Variants in PDE1C observed in about 807,000 individuals in gnomAD.
PDE1C encodes dual specificity calcium/calmodulin-dependent 3',5'-cyclic nucleotide phosphodiesterase 1C.
In PDE1C, 62 loss-of-function variants were observed where a neutral mutation model predicts 93.1. The observed-to-expected ratio is 0.67, with a 90% CI of 0.54 to 0.82. The LOEUF is 0.82. Among genes scored for constraint, PDE1C ranks in the 40% least tolerant of loss-of-function variants. The pLI is 0.00. For synonymous variants in PDE1C, 325 were observed against 310.1 expected (o/e 1.05, Z -0.50); for missense variants, 742 against 884.6 (o/e 0.84, Z 2.04).
intron 2 of PDE1C, among the ~76,000 whole-genome samples, chr7:32,206,351 A>G (rs1183922878): frequency 6.6e-6 from 1 of 152,258 alleles, no homozygotes; most frequent in East Asian, 1.9e-4. Flanking sequence ...GGTGCAGTCA[A>G]CCAGACACGG....
chr7:31,671,149 G>T, the PDE1C span, among the ~76,000 whole-genome samples: 1 of 152,244 alleles, frequency 6.6e-6, no homozygotes, highest in East Asian at 1.9e-4. Flanking sequence ...AGCCGCAAAA[G>T]GCTGCCACAC....
At chr7:32,406,643 A>G (rs1033748396) in intron 1 of PDE1C, among the ~76,000 whole-genome samples, 7 of 152,056 alleles carry the variant, frequency 4.6e-5, no homozygotes, top group Non-Finnish European at 8.8e-5. Context: ...TGTGTAATGC[A>G]TATGGTTTTG....
At chr7:31,853,341 T>A (rs1318360915) in intron 7 of PDE1C, among the ~76,000 whole-genome samples, 1 of 152,140 alleles carries the variant, frequency 6.6e-6, no homozygotes. Context: ...GAAAGAAAAG[T>A]AGTATCTGGG....
chr7:31,894,627 A>G (rs1799045990), intron 2 of PDE1C, among the ~76,000 whole-genome samples: 1 of 152,212 alleles, frequency 6.6e-6, no homozygotes, highest in Admixed American at 6.5e-5. Context: ...TTTCTCAGAA[A>G]AGAAATTCCA....
At chr7:31,653,725 G>A in the PDE1C span, 1 of 152,268 alleles carries the variant, frequency 6.6e-6, no homozygotes, top group Middle Eastern at 3.4e-3. Context: ...TAATTTTGGG[G>A]TCCTGAGGTT....
the PDE1C span, among the ~76,000 whole-genome samples, chr7:31,634,877 G>A: frequency 6.6e-6 from 1 of 152,136 alleles, no homozygotes; most frequent in Non-Finnish European, 1.5e-5. Flanking sequence ...TGGCTCCTTC[G>A]GCATATTGAG....
At chr7:31,893,794 A>G (rs1798931658) in intron 2 of PDE1C, among the ~76,000 whole-genome samples, 1 of 152,234 alleles carries the variant, frequency 6.6e-6, no homozygotes, top group East Asian at 1.9e-4. Flanking sequence ...ACTTGCCCCA[A>G]ACAACCCCTC....
chr7:32,420,213 GTATATATACATATATATGTA>G lies in PDE1C; in HGVS notation c.310+7589_310+7608del, dbSNP rs1232260085. Among the ~76,000 whole-genome samples the G allele has an allele frequency of 2.5e-4, 4 of 15,992 alleles. 1 individual carries two copies. The highest frequency in any genetic ancestry group is 7.7e-4 in the African/African-American group (4 of 5,218). 10.5% of individuals were successfully genotyped at this position (15,992 alleles called of 152,430 possible). A position where few individuals can be genotyped will look rare whatever the true frequency, so the allele number is the denominator to read the frequency against. ...TATGTGTATATATATACATATATAT[GTATATATACATATATATGTA>G]TATATATGTGTATATATATACATGT... On this transcript the variant is annotated intron_variant, in intron 1 of 1. Transcript: ENST00000672256.
At chr7:32,367,779 C>CA (rs752556458) in intron 1 of PDE1C, among the ~76,000 whole-genome samples, 6 of 151,874 alleles carry the variant, frequency 4.0e-5, no homozygotes, top group Non-Finnish European at 5.9e-5. Context: ...CCCTTCTCTA[C>CA]AAAAAATTTA....
intron 1 of PDE1C, among the ~76,000 whole-genome samples, chr7:32,416,052 G>A (rs372347144): frequency 3.9e-5 from 6 of 152,256 alleles, no homozygotes; most frequent in Non-Finnish European, 5.9e-5. Context: ...GCCAGCACAC[G>A]CCCGCCTCCC....
chr7:32,088,765 A>C (rs1031306272), intron 3 of PDE1C, among the ~76,000 whole-genome samples: 2 of 152,174 alleles, frequency 1.3e-5, no homozygotes, highest in African/African-American at 4.8e-5. Flanking sequence ...GAAATGGTTC[A>C]GGAAAGAAGC....
In PDE1C at chr7:31,999,537, C is replaced by G. The variant is rs73686876; in HGVS notation, c.128+52017G>C. ...AAGACCCAGCTCTCTGACCCTGAAGCCACTTCACACTCAGCTTCAAGATAA... is the reference window on the plus strand; with the variant it reads ...AAGACCCAGCTCTCTGACCCTGAAGGCACTTCACACTCAGCTTCAAGATAA... On this transcript the variant is annotated intron_variant, in intron 2 of 17. Coordinates refer to ENST00000396191, the MANE Select transcript of PDE1C (RefSeq NM_001191057.4). Among the ~76,000 whole-genome samples, 1,373 of 152,242 alleles carry G rather than the reference C, an allele frequency of 9.0e-3. 16 individuals carry two copies. Among genetic ancestry groups the G allele is most frequent in the African/African-American group, 0.032 (1,315 of 41,542 alleles).
At chr7:32,032,752 T>C (rs1360668714) in intron 2 of PDE1C, among the ~76,000 whole-genome samples, 2 of 152,052 alleles carry the variant, frequency 1.3e-5, no homozygotes, top group Admixed American at 6.5e-5. Context: ...CCCCAAAGAA[T>C]GGCCAAGAAC....
intron 11 of PDE1C, among the ~76,000 whole-genome samples, chr7:31,831,498 G>GCACGCA (rs796574324): frequency 4.6e-4 from 68 of 149,084 alleles, no homozygotes; most frequent in African/African-American, 1.6e-3. Context: ...ACACATGCAC[G>GCACGCA]CACACACACA....
At chr7:32,321,682 A>G (rs1014686063) in intron 1 of PDE1C, among the ~76,000 whole-genome samples, 15 of 152,240 alleles carry the variant, frequency 9.9e-5, no homozygotes, top group African/African-American at 3.1e-4. Flanking sequence ...CTAACTTGAG[A>G]TGTAATCAGC....
At chr7:32,251,416 C>T (rs147263264) in intron 1 of PDE1C, among the ~76,000 whole-genome samples, 1 of 152,214 alleles carries the variant, frequency 6.6e-6, no homozygotes, top group African/African-American at 2.4e-5. Flanking sequence ...CAGGCACCTT[C>T]GTCATCCTTC....
intron 2 of PDE1C, among the ~76,000 whole-genome samples, chr7:32,024,791 G>A (rs1000763368): frequency 4.6e-5 from 7 of 152,196 alleles, no homozygotes; most frequent in Admixed American, 2.6e-4. Flanking sequence ...CAACAACCAT[G>A]TTTTGAACAA....
chr7:32,205,610 G>A (rs939097528), intron 2 of PDE1C, among the ~76,000 whole-genome samples: 3 of 152,164 alleles, frequency 2.0e-5, no homozygotes, highest in Non-Finnish European at 2.9e-5. Context: ...CAACCCCCCA[G>A]CCAACCCGTT....
the PDE1C span, among the ~76,000 whole-genome samples, chr7:31,620,492 G>A: frequency 9.3e-5 from 14 of 150,986 alleles, no homozygotes; most frequent in Non-Finnish European, 2.1e-4. Context: ...TGATACCCAG[G>A]CAAACAGGGT....
Sources: gnomAD v4.1 joint callset for allele counts (sites outside exome capture counted in the v4.1 genomes callset) on GRCh38, gnomAD v4.1.1 for gene constraint, MANE v1.5 for transcripts, NCBI Gene and HGNC (gene_info 2026-07-23, HGNC 2026-07-21) for gene names.